BRPF1: variants seen among roughly 807,000 people sequenced by gnomAD.
The protein encoded by BRPF1 is bromodomain and PHD finger containing 1, also known as peregrin.
Under a neutral mutation model 115.0 loss-of-function variants are expected in BRPF1, and 15 were observed. That is an observed-to-expected ratio of 0.13 (90% confidence interval 0.09 to 0.20). The LOEUF (loss-of-function observed/expected upper bound fraction) is 0.20. Among genes scored for constraint, BRPF1 ranks in the 10% least tolerant of loss-of-function variants. The pLI is 1.00. For missense variants in BRPF1, 1,118 were observed against 1,638.3 expected (o/e 0.68, Z 5.48); for synonymous variants, 647 against 619.8 (o/e 1.04, Z -0.65).
chr3:9,739,714 C>T lies in BRPF1; in HGVS notation c.1315C>T (p.Arg439Cys), dbSNP rs759181733. Residue 439 changes from arginine (R) to cysteine (C), a missense_variant, in exon 3 of 14, where the codon CGC becomes TGC. Arg to Cys is a radical substitution (Grantham distance 180). This residue lies in a region of BRPF1 where 87 missense variants were observed against 93.4 expected (regional missense o/e 0.93). Transcript: ENST00000383829. ...CGCCAACGGCACCTCTTTCAGTGTC[C>T]GCAAGACAGCCTACTGCGACATCCA... ...TGANGTSFSV[R>C]KTAYCDIHTP... 6 of 1,613,848 alleles carry T rather than the reference C, an allele frequency of 3.7e-6. No individual in the cohort carries two copies. The highest frequency in any genetic ancestry group is 5.1e-6 in the Non-Finnish European group (6 of 1,179,748).
Position 9,734,155 on chromosome 3 carries a change from T to C in BRPF1, c.15T>C (p.Phe5=), listed in dbSNP as rs752408281. MGVD[F]DVKTFCHNLR... is the part of the protein sequence containing the mutation. ...GATGTGACAGCATGGGGGTGGACTT[T>C]GATGTGAAGACTTTCTGCCACAACT... is the stretch of plus-strand genomic sequence containing the variant. The change falls in exon 2 of 14, where the codon TTT becomes TTC. Residue 5 remains phenylalanine (F), a synonymous_variant. Transcript: ENST00000383829. This position sits in a 1 kb window ranked among gnomAD's most constrained non-coding sequence, Gnocchi z 5.7. The C allele has an allele frequency of 6.2e-7, 1 of 1,607,804 alleles. No individual in the cohort carries two copies. Among genetic ancestry groups the C allele is most frequent in the African/African-American group, 1.3e-5 (1 of 74,716 alleles).
intron 5 of BRPF1, among the ~76,000 whole-genome samples, 170 bp downstream of exon 5, chr3:9,741,609 C>T (rs2077031713): frequency 6.8e-6 from 1 of 147,168 alleles, no homozygotes; most frequent in African/African-American, 2.5e-5. Context: ...TGTACTCCAG[C>T]CTGGGCGACA....
At chr3:9,740,380 T>A (rs922889309) in intron 3 of BRPF1, among the ~76,000 whole-genome samples, 1 of 152,248 alleles carries the variant, frequency 6.6e-6, no homozygotes, top group African/African-American at 2.4e-5. Flanking sequence ...GGGATTTTTT[T>A]AGTTCTCTTG....
chr3:9,732,428 A>T (rs1575143099), intron 1 of BRPF1: 2 of 152,034 alleles, frequency 1.3e-5, no homozygotes, highest in South Asian at 4.2e-4. Flanking sequence ...GCCCAGCCCT[A>T]TCCCTCCGGC....
chr3:9,742,174 A>C lies in BRPF1; in HGVS notation c.2001+3A>C. On this transcript the variant is annotated splice_donor_region_variant and intron_variant, in intron 6 of 13. Coordinates refer to ENST00000383829, the MANE Select transcript of BRPF1 (RefSeq NM_001003694.2). ...CTGAGGTAACCGAATTGGACGAAGT[A>C]AGAATCCCTTCCCCTCACTCCACCT... 2 of 1,614,002 alleles carry C rather than the reference A, an allele frequency of 1.2e-6. No individual in the cohort carries two copies. The highest frequency in any genetic ancestry group is 1.7e-6 in the Non-Finnish European group (2 of 1,179,912).
At position 9,745,788 on chromosome 3, in the gene BRPF1, C is replaced by G. The variant is rs186083563; in HGVS notation, c.3206-24C>G. ...GCCAGCCCCCCAGCTGCTGATCCAC[C>G]CCCTCTCCCCCATTCCTGTGAAGTG... On this transcript the variant is annotated intron_variant, in intron 11 of 13. Coordinates refer to ENST00000383829, the MANE Select transcript of BRPF1 (RefSeq NM_001003694.2). This position sits in a 1 kb window ranked among gnomAD's most constrained non-coding sequence, Gnocchi z 5.1. 5.0e-6 allele frequency: 8 copies of G among 1,611,856 alleles called. No homozygotes were observed. In the East Asian group the frequency reaches 1.3e-4, roughly 27 times the overall value.
chr3:9,740,046 C>T (rs1175688680), intron 3 of BRPF1, 88 bp downstream of exon 3: 1 of 1,448,288 alleles, frequency 6.9e-7, no homozygotes, highest in Non-Finnish European at 9.1e-7. Flanking sequence ...AATGGCAGGG[C>T]TGGGCTATCT....
At chr3:9,740,571 A>G (rs559706018) in intron 3 of BRPF1, among the ~76,000 whole-genome samples, 15 of 152,248 alleles carry the variant, frequency 9.9e-5, no homozygotes, top group Admixed American at 3.3e-4. Flanking sequence ...GATCTGGTTT[A>G]GTGCTGGGAG....
intron 6 of BRPF1, chr3:9,742,434 A>T (rs1325058172): frequency 1.0e-6 from 1 of 985,432 alleles, no homozygotes; most frequent in Non-Finnish European, 1.2e-6. Flanking sequence ...GGGCAGGAAG[A>T]CACTTTCGGG....
In BRPF1 at chr3:9,747,301, C is replaced by G; in HGVS notation, c.3615C>G (p.Arg1205=). The G allele has an allele frequency of 6.2e-7, 1 of 1,614,240 alleles. No homozygotes were observed. Among genetic ancestry groups the G allele is most frequent in the Non-Finnish European group, 8.5e-7 (1 of 1,180,050 alleles). The change falls in exon 14 of 14, where the codon CGC becomes CGG. Residue 1205 remains arginine (R), a synonymous_variant. Transcript: ENST00000383829. This position sits in a 1 kb window ranked among gnomAD's most constrained non-coding sequence, Gnocchi z 5.6. ...CCTACCACAGGGCTCTGCAGCACCG[C>G]AGCAAGGTGCAAGGCGAGCAGAGCA... ...QIAYHRALQH[R]SKVQGEQSSE... is the part of the protein sequence containing the mutation.
At chr3:9,736,004 A>ATT (rs34061910) in intron 2 of BRPF1, among the ~76,000 whole-genome samples, 1,897 of 89,238 alleles carry the variant, frequency 0.021, 4 homozygotes, top group Non-Finnish European at 0.028. Context: ...TTAAACCTCC[A>ATT]TTTTTTTTTT....
chr3:9,742,858 G>A (rs894767109), intron 6 of BRPF1, 86 bp from the exon 7 acceptor site: 31 of 1,408,876 alleles, frequency 2.2e-5, no homozygotes, highest in Non-Finnish European at 2.9e-5. Context: ...GTTGCTGGAT[G>A]TGTTTCAGGG....
At chr3:9,742,286 T>C in intron 6 of BRPF1, 115 bp downstream of exon 6, 1 of 1,522,994 alleles carries the variant, frequency 6.6e-7, no homozygotes, top group Non-Finnish European at 8.8e-7. Context: ...CTGGTGGCTC[T>C]GGGGCAGGAT....
rs1291467923 is a variant in BRPF1 at position 9,744,238 on chromosome 3, A to T, written c.2650A>T (p.Met884Leu). ...QETSKGLGPN[M>L]SSTPAHEVGR... ...CTCTGCTCCAGGCCTGGGTCCCAAC[A>T]TGTCCTCAACCCCCGCACATGAGGT... Residue 884 changes from methionine (M) to leucine (L), a missense_variant, in exon 9 of 14, where the codon ATG (methionine) becomes TTG (leucine). Around this residue, in one of 10 missense-constraint regions of BRPF1, gnomAD observed 223 missense variants for 240.7 expected, o/e 0.93. Transcript: ENST00000383829. The T allele has an allele frequency of 6.5e-7, 1 of 1,543,724 alleles. No homozygotes were observed. The highest frequency in any genetic ancestry group is 8.7e-7 in the Non-Finnish European group (1 of 1,146,638).
chr3:9,743,304 A>G lies in BRPF1; in HGVS notation c.2311+51A>G. Reference sequence around the variant, plus strand: ...TAAGAGGCCAATGCCGGGGATGGACAGCTTTCCAAAAGTCCCCTCCTGGGA... The same window carrying G: ...TAAGAGGCCAATGCCGGGGATGGACGGCTTTCCAAAAGTCCCCTCCTGGGA... On this transcript the variant is annotated intron_variant, in intron 7 of 13. Coordinates refer to ENST00000383829, the MANE Select transcript of BRPF1 (RefSeq NM_001003694.2). The surrounding 1 kb of genome is among the most constrained non-coding windows in gnomAD (Gnocchi z 6.1). 16 of 1,562,760 alleles carry G rather than the reference A, an allele frequency of 1.0e-5. No individual in the cohort carries two copies. The highest frequency in any genetic ancestry group is 1.4e-5 in the Non-Finnish European group (16 of 1,152,228).
chr3:9,741,246 C>T, intron 4 of BRPF1, 62 bp from the exon 5 acceptor site: 12 of 1,515,486 alleles, frequency 7.9e-6, no homozygotes, highest in Non-Finnish European at 1.1e-5. Flanking sequence ...GGGCTCTCTT[C>T]TCCCTGTTGA....
intron 6 of BRPF1, chr3:9,742,675 C>A (rs915448391): frequency 2.6e-5 from 15 of 569,026 alleles, no homozygotes; most frequent in African/African-American, 2.2e-4. Context: ...CTCATATAGT[C>A]TAGAAAGTAT....
chr3:9,740,344 G>A (rs2125502246), intron 3 of BRPF1, among the ~76,000 whole-genome samples: 1 of 152,326 alleles, frequency 6.6e-6, no homozygotes, highest in African/African-American at 2.4e-5. Context: ...AGTGGTTACT[G>A]CTGCTCATTT....
chr3:9,737,636 T>G (rs1381140609), intron 2 of BRPF1, among the ~76,000 whole-genome samples: 1 of 152,238 alleles, frequency 6.6e-6, no homozygotes, highest in Non-Finnish European at 1.5e-5. Context: ...GCCTGCTGTG[T>G]GCCACTTGAC....
Sources: gnomAD v4.1 joint callset for allele counts (sites outside exome capture counted in the v4.1 genomes callset) on GRCh38, gnomAD v4.1.1 for gene constraint, gnomAD v4.1.1 regional missense constraint, Gnocchi (gnomAD v3.1) non-coding constraint, MANE v1.5 for transcripts, NCBI Gene and HGNC (gene_info 2026-07-23, HGNC 2026-07-21) for gene names.